LRRTM4: variants seen among roughly 807,000 people sequenced by gnomAD.
The protein encoded by LRRTM4 is leucine-rich repeat transmembrane neuronal protein 4.
LRRTM4 carries 25 observed loss-of-function variants against 47.6 expected under a neutral mutation model. The ratio of observed to expected loss-of-function variants is 0.53; its 90% CI spans 0.38 to 0.73. The LOEUF (loss-of-function observed/expected upper bound fraction) is 0.73. Ranked by LOEUF, LRRTM4 falls within the 30% of genes least tolerant of loss-of-function variation. LRRTM4 has a pLI of 0.00. For synonymous variants in LRRTM4, 311 were observed against 269.5 expected (o/e 1.15, Z -1.51); for missense variants, 638 against 713.4 (o/e 0.89, Z 1.20).
intron 3 of LRRTM4, among the ~76,000 whole-genome samples, chr2:76,834,207 A>AT (rs11355686): frequency 3.7e-3 from 521 of 141,124 alleles, no homozygotes; most frequent in Middle Eastern, 0.019. Context: ...TGCCAAGCTA[A>AT]TTTTTTTTTT....
At chr2:77,256,439 T>G (rs542165505) in intron 3 of LRRTM4, among the ~76,000 whole-genome samples, 101 of 152,218 alleles carry the variant, frequency 6.6e-4, no homozygotes, top group Non-Finnish European at 1.3e-3. Flanking sequence ...AAATCTCATC[T>G]TGAGTTGTAG....
At chr2:76,835,430 A>G (rs887349301) in intron 3 of LRRTM4, among the ~76,000 whole-genome samples, 1 of 152,142 alleles carries the variant, frequency 6.6e-6, no homozygotes, top group Non-Finnish European at 1.5e-5. Context: ...TAGTAAGAGT[A>G]ATACATGTGA....
chr2:77,038,185 C>T (rs990971604), intron 3 of LRRTM4, among the ~76,000 whole-genome samples: 6 of 151,488 alleles, frequency 4.0e-5, no homozygotes, highest in Non-Finnish European at 8.9e-5. Flanking sequence ...AATTCAACAT[C>T]CTTACTATGG....
chr2:77,169,148 C>T (rs1672973211), intron 3 of LRRTM4, among the ~76,000 whole-genome samples: 1 of 152,040 alleles, frequency 6.6e-6, no homozygotes, highest in East Asian at 1.9e-4. Context: ...GAACGCCTTT[C>T]CTATAAGAAC....
At chr2:77,142,557 AT>A (rs1468805425) in intron 3 of LRRTM4, among the ~76,000 whole-genome samples, 1 of 152,146 alleles carries the variant, frequency 6.6e-6, no homozygotes, top group Non-Finnish European at 1.5e-5. Flanking sequence ...ATTAATAATT[AT>A]TGAATTCAAA....
chr2:77,051,872 C>G (rs1900342), intron 3 of LRRTM4, among the ~76,000 whole-genome samples: 34,022 of 152,028 alleles, frequency 0.22, 3,914 homozygotes, highest in East Asian at 0.3. Context: ...GTGGAAGCAT[C>G]TATGTAAATC....
rs143986019 is a variant in LRRTM4 at position 77,000,083 on chromosome 2, A to G, written c.1552-251167T>C. Among the ~76,000 whole-genome samples, 238 of 152,252 alleles carry G rather than the reference A, an allele frequency of 1.6e-3. 1 individual carries two copies. Among genetic ancestry groups the G allele is most frequent in the Middle Eastern group, 0.01 (3 of 294 alleles). ...CACCTAAGTGAATTTTTGGTTTCTT[A>G]GCTTCACTGGACTTGATGAATTGAC... On this transcript the variant is annotated intron_variant, in intron 3 of 3. Coordinates refer to ENST00000409884, the MANE Select transcript of LRRTM4 (RefSeq NM_001134745.3).
chr2:77,508,799 C>T (rs1369517926), intron 3 of LRRTM4, among the ~76,000 whole-genome samples: 1 of 151,996 alleles, frequency 6.6e-6, no homozygotes, highest in African/African-American at 2.4e-5. Flanking sequence ...ATATTACATA[C>T]ATATATATGC....
intron 3 of LRRTM4, among the ~76,000 whole-genome samples, chr2:77,072,365 A>T (rs1425532715): frequency 2.6e-5 from 4 of 152,184 alleles, no homozygotes; most frequent in Non-Finnish European, 5.9e-5. Flanking sequence ...CATGTTTTTC[A>T]TTGCAATTGA....
rs1451899628 is a variant in LRRTM4, at chr2:76,798,095, C to T, written c.1552-49179G>A. On this transcript the variant is annotated intron_variant, in intron 3 of 3. Transcript: ENST00000409884. ...GAATTGAACTCAGCTCTGCAGCAAG[C>T]AGACCTAATAGACATCTACTGAACT... 8.8e-3 allele frequency among the ~76,000 whole-genome samples: 1,319 copies of T among 150,372 alleles called. 19 individuals are homozygous for T. Among genetic ancestry groups the T allele is most frequent in the African/African-American group, 0.03 (1,214 of 39,908 alleles).
At chr2:77,326,884 A>G (rs920261847) in intron 3 of LRRTM4, among the ~76,000 whole-genome samples, 5 of 152,180 alleles carry the variant, frequency 3.3e-5, no homozygotes, top group Admixed American at 3.3e-4. Flanking sequence ...GTTTGAGACC[A>G]TCACTTGACA....
chr2:76,845,792 G>A (rs1400921063), intron 3 of LRRTM4, among the ~76,000 whole-genome samples: 5 of 152,082 alleles, frequency 3.3e-5, no homozygotes, highest in Non-Finnish European at 5.9e-5. Flanking sequence ...GCTTTGGTAA[G>A]GAATAGGGAG....
At chr2:76,848,737 A>C (rs908465406) in intron 3 of LRRTM4, among the ~76,000 whole-genome samples, 1 of 151,950 alleles carries the variant, frequency 6.6e-6, no homozygotes, top group African/African-American at 2.4e-5. Context: ...ACAGAAAAAG[A>C]AAAAAAAGTT....
intron 3 of LRRTM4, among the ~76,000 whole-genome samples, chr2:77,512,573 C>T (rs1283537073): frequency 6.6e-6 from 1 of 152,084 alleles, no homozygotes; most frequent in East Asian, 1.9e-4. Context: ...GTTGCTTCTG[C>T]TTCACTTTGA....
chr2:76,768,547 C>G (rs144576921), intron 3 of LRRTM4, among the ~76,000 whole-genome samples: 28 of 152,006 alleles, frequency 1.8e-4, no homozygotes, highest in African/African-American at 6.3e-4. Context: ...CATTTTTTTC[C>G]CCAATTTCTA....
chr2:77,315,087 G>A (rs999921953), intron 3 of LRRTM4, among the ~76,000 whole-genome samples: 1 of 152,106 alleles, frequency 6.6e-6, no homozygotes, highest in African/African-American at 2.4e-5. Flanking sequence ...AGGTTTATTA[G>A]GAAGTAACCC....
At chr2:77,197,758 C>G (rs1249365416) in intron 3 of LRRTM4, among the ~76,000 whole-genome samples, 2 of 152,144 alleles carry the variant, frequency 1.3e-5, no homozygotes, top group East Asian at 3.9e-4. Context: ...GTACCCTACT[C>G]TCCTCACTCA....
intron 3 of LRRTM4, among the ~76,000 whole-genome samples, chr2:77,474,160 A>G (rs1677290479): frequency 6.6e-6 from 1 of 152,148 alleles, no homozygotes; most frequent in Non-Finnish European, 1.5e-5. Flanking sequence ...TCAAAAGAAA[A>G]TTACTTTAAA....
At chr2:77,054,842 A>C (rs1356161756) in intron 3 of LRRTM4, among the ~76,000 whole-genome samples, 1 of 152,242 alleles carries the variant, frequency 6.6e-6, no homozygotes, top group Non-Finnish European at 1.5e-5. Context: ...AGTGACTGGA[A>C]AAATTGCAAA....
Sources: gnomAD v4.1 joint callset for allele counts (sites outside exome capture counted in the v4.1 genomes callset) on GRCh38, gnomAD v4.1.1 for gene constraint, MANE v1.5 for transcripts, NCBI Gene and HGNC (gene_info 2026-07-23, HGNC 2026-07-21) for gene names.